Variants in DCC observed in about 807,000 individuals in gnomAD.
DCC encodes the protein netrin receptor DCC.
DCC carries 58 observed loss-of-function variants against 172.5 expected under a neutral mutation model. That is an observed-to-expected ratio of 0.34 (90% CI 0.27 to 0.42). The LOEUF (loss-of-function observed/expected upper bound fraction) is 0.42. Ranked by LOEUF, DCC falls within the 10% of genes least tolerant of loss-of-function variation. The probability of loss-of-function intolerance (pLI) is 1.00; values close to 1 mark genes in which losing one functional copy is unlikely to be tolerated. For synonymous variants in DCC, 709 were observed against 644.5 expected (o/e 1.10, Z -1.52); for missense variants, 1,740 against 1,791.0 (o/e 0.97, Z 0.51).
intron 5 of DCC, among the ~76,000 whole-genome samples, chr18:53,016,239 G>A (rs1682802681): frequency 6.6e-6 from 1 of 152,010 alleles, no homozygotes; most frequent in African/African-American, 2.4e-5. Flanking sequence ...AAAATTTCTA[G>A]GTAGTGTTTA....
chr18:52,885,780 G>A (rs774268949), intron 2 of DCC, among the ~76,000 whole-genome samples: 1 of 152,006 alleles, frequency 6.6e-6, no homozygotes, highest in African/African-American at 2.4e-5. Flanking sequence ...CACATCTGAA[G>A]CCACAACATC....
intron 2 of DCC, among the ~76,000 whole-genome samples, chr18:52,797,960 G>C (rs1169937252): frequency 1.3e-5 from 2 of 152,000 alleles, no homozygotes; most frequent in Non-Finnish European, 2.9e-5. Flanking sequence ...ACCACTGGTG[G>C]TGGTGGGTGC....
At chr18:52,819,972 G>T (rs1015935557) in intron 2 of DCC, among the ~76,000 whole-genome samples, 1 of 151,870 alleles carries the variant, frequency 6.6e-6, no homozygotes, top group Admixed American at 6.6e-5. Flanking sequence ...CACCTGCCTC[G>T]GCCTCCCAAA....
chr18:53,332,589 C>A (rs1015673702), intron 14 of DCC, among the ~76,000 whole-genome samples: 5 of 151,942 alleles, frequency 3.3e-5, no homozygotes, highest in African/African-American at 1.2e-4. Flanking sequence ...TTTAATGATA[C>A]AAATCAATAA....
intron 2 of DCC, among the ~76,000 whole-genome samples, chr18:52,766,962 T>A (rs1194318652): frequency 5.9e-5 from 9 of 151,770 alleles, no homozygotes; most frequent in Non-Finnish European, 1.3e-4. Flanking sequence ...TATTAAAGAT[T>A]CCCCAGGTAC....
At chr18:53,155,799 G>A (rs1023309008) in intron 7 of DCC, among the ~76,000 whole-genome samples, 13 of 152,210 alleles carry the variant, frequency 8.5e-5, no homozygotes, top group African/African-American at 2.9e-4. Flanking sequence ...GGCCAAGACA[G>A]GTGGATCATC....
chr18:53,409,960 G>A (rs1909885560), intron 19 of DCC, among the ~76,000 whole-genome samples: 1 of 152,084 alleles, frequency 6.6e-6, no homozygotes, highest in Non-Finnish European at 1.5e-5. Flanking sequence ...ACCGCCCCTG[G>A]CAACCTCACT....
At chr18:53,416,400 C>T (rs1910313407) in intron 21 of DCC, 13 of 661,896 alleles carry the variant, frequency 2.0e-5, no homozygotes, top group South Asian at 1.7e-4. Context: ...ATTAAAATGT[C>T]AAGCTTCTTT....
intron 5 of DCC, among the ~76,000 whole-genome samples, chr18:52,933,153 T>C (rs940220807): frequency 3.3e-5 from 5 of 152,108 alleles, no homozygotes; most frequent in African/African-American, 1.2e-4. Context: ...ATGAATATAG[T>C]TTCTAGTCCT....
chr18:52,883,823 T>A (rs1210933266), intron 2 of DCC, among the ~76,000 whole-genome samples: 1 of 152,036 alleles, frequency 6.6e-6, no homozygotes, highest in East Asian at 1.9e-4. Context: ...CATTTCATAT[T>A]GCTTATTAAC....
Position 53,140,048 on chromosome 18 carries a change from GAATA to G in DCC, c.1262-17307_1262-17304del, listed in dbSNP as rs1281544334. On this transcript the variant is annotated intron_variant, in intron 7 of 28. Transcript: ENST00000442544. ...ATTTTGCATGAATAAATGATCAGAT[GAATA>G]GATAGATAAATGGACAGATGTATGA... Among the ~76,000 whole-genome samples the G allele has an allele frequency of 2.6e-5, 4 of 152,314 alleles. No individual in the cohort carries two copies. In the East Asian group the frequency reaches 7.7e-4, roughly 29 times the overall value.
chr18:52,599,171 C>T (rs1414108178), intron 1 of DCC, among the ~76,000 whole-genome samples: 1 of 152,150 alleles, frequency 6.6e-6, no homozygotes, highest in Non-Finnish European at 1.5e-5. Flanking sequence ...GACCGTTTTA[C>T]AGTAATCTAT....
chr18:52,423,746 A>G (rs1598807144), intron 1 of DCC, among the ~76,000 whole-genome samples: 1 of 152,278 alleles, frequency 6.6e-6, no homozygotes, highest in South Asian at 2.1e-4. Context: ...GAAGGAAAAG[A>G]AATATAATGC....
At chr18:52,899,843 TA>T (rs2039785253) in intron 2 of DCC, among the ~76,000 whole-genome samples, 1 of 152,152 alleles carries the variant, frequency 6.6e-6, no homozygotes, top group Non-Finnish European at 1.5e-5. Context: ...TTGTGTTTCC[TA>T]AACTTTCCAA....
At chr18:52,748,671 A>C (rs2036947023) in intron 1 of DCC, among the ~76,000 whole-genome samples, 1 of 152,160 alleles carries the variant, frequency 6.6e-6, no homozygotes, top group African/African-American at 2.4e-5. Flanking sequence ...CCTGATGTTC[A>C]ATGGGTCCCA....
At chr18:53,436,552 G>GAT (rs150977939) in intron 22 of DCC, among the ~76,000 whole-genome samples, 24 of 151,318 alleles carry the variant, frequency 1.6e-4, no homozygotes, top group East Asian at 1.4e-3. Flanking sequence ...TTCCCAAGAG[G>GAT]ATATATATAT....
intron 7 of DCC, among the ~76,000 whole-genome samples, chr18:53,109,470 G>T: frequency 6.6e-6 from 1 of 151,280 alleles, no homozygotes; most frequent in Non-Finnish European, 1.5e-5. Flanking sequence ...TGCCAATCTT[G>T]TATTAGATTT....
chr18:52,354,214 C>T (rs905638189), intron 1 of DCC, among the ~76,000 whole-genome samples: 6 of 151,972 alleles, frequency 3.9e-5, no homozygotes, highest in Non-Finnish European at 7.4e-5. Context: ...ATAGGACAGC[C>T]CCAGGTAAAC....
chr18:53,216,921 C>T (rs956928535), intron 12 of DCC, among the ~76,000 whole-genome samples: 10 of 152,020 alleles, frequency 6.6e-5, no homozygotes, highest in African/African-American at 2.4e-4. Flanking sequence ...TAAGAGATTG[C>T]CAAGTCAAAG....
Sources: gnomAD v4.1 joint callset for allele counts (sites outside exome capture counted in the v4.1 genomes callset) on GRCh38, gnomAD v4.1.1 for gene constraint, MANE v1.5 for transcripts, NCBI Gene and HGNC (gene_info 2026-07-23, HGNC 2026-07-21) for gene names.